XYLT1: variants seen among roughly 807,000 people sequenced by gnomAD.
XYLT1 encodes beta-D-xylosyltransferase 1.
XYLT1 carries 36 observed loss-of-function variants against 91.3 expected under a neutral mutation model. The observed-to-expected ratio is 0.39, with a 90% CI of 0.30 to 0.52. The LOEUF (loss-of-function observed/expected upper bound fraction) is 0.52. XYLT1 is among the 20% of genes least tolerant of loss of function. The pLI is 0.68. For missense variants in XYLT1, 1,242 were observed against 1,284.5 expected, an observed-to-expected ratio of 0.97 and a Z score of 0.51; for synonymous variants, 588 against 532.0, an observed-to-expected ratio of 1.11 and a Z score of -1.45.
At chr16:17,355,873 C>T (rs973437859) in intron 2 of XYLT1, among the ~76,000 whole-genome samples, 1 of 152,022 alleles carries the variant, frequency 6.6e-6, no homozygotes, top group African/African-American at 2.4e-5. Context: ...CCATGCCTGG[C>T]TATGTTTTGT....
chr16:17,134,386 TAAAGAGGAAGA>T, intron 9 of XYLT1, 76 bp downstream of exon 9: 1 of 1,537,794 alleles, frequency 6.5e-7, no homozygotes, highest in Admixed American at 1.8e-5. Flanking sequence ...TGCAGATCCC[TAAAGAGGAAGA>T]AGGACCCCCA....
At chr16:17,165,252 A>G (rs1443389750) in intron 5 of XYLT1, among the ~76,000 whole-genome samples, 1 of 152,216 alleles carries the variant, frequency 6.6e-6, no homozygotes, top group Non-Finnish European at 1.5e-5. Flanking sequence ...AGATGCTATT[A>G]TATTTATATC....
At chr16:17,387,942 C>T (rs749976160) in intron 1 of XYLT1, among the ~76,000 whole-genome samples, 13 of 152,152 alleles carry the variant, frequency 8.5e-5, no homozygotes, top group African/African-American at 2.4e-4. Context: ...AACAAAGATG[C>T]TACACAAACC....
intron 10 of XYLT1, among the ~76,000 whole-genome samples, chr16:17,120,355 C>T (rs75949394): frequency 0.017 from 2,626 of 152,148 alleles, 72 homozygotes; most frequent in African/African-American, 0.059. Context: ...TCTGGTCTGG[C>T]TCCGGCTTCA....
chr16:17,437,785 T>C (rs2036480195), intron 1 of XYLT1, among the ~76,000 whole-genome samples: 1 of 152,056 alleles, frequency 6.6e-6, no homozygotes. Flanking sequence ...ATCTGGCAAG[T>C]TTAAAAAATA....
At chr16:17,186,126 G>A (rs1234284006) in intron 5 of XYLT1, among the ~76,000 whole-genome samples, 1 of 151,932 alleles carries the variant, frequency 6.6e-6, no homozygotes, top group Non-Finnish European at 1.5e-5. Flanking sequence ...TTTTTAAGAC[G>A]GAATTTCACT....
chr16:17,222,789 C>CAAAAA (rs11358476), intron 3 of XYLT1, among the ~76,000 whole-genome samples: 3 of 71,194 alleles, frequency 4.2e-5, no homozygotes, highest in African/African-American at 6.0e-5. Flanking sequence ...AACTCTGTCT[C>CAAAAA]AAAAAAAAAA....
chr16:17,333,883 G>C (rs943740142), intron 2 of XYLT1, among the ~76,000 whole-genome samples: 3 of 152,054 alleles, frequency 2.0e-5, no homozygotes, highest in Admixed American at 2.0e-4. Flanking sequence ...CCACACGCCC[G>C]GCCTCATGTT....
chr16:17,125,620 A>G (rs567104081), intron 10 of XYLT1, among the ~76,000 whole-genome samples: 6 of 152,210 alleles, frequency 3.9e-5, no homozygotes, highest in South Asian at 4.2e-4. Context: ...TGATCTCCTT[A>G]GAAAAGCCTT....
intron 1 of XYLT1, among the ~76,000 whole-genome samples, chr16:17,450,288 A>G (rs1475448456): frequency 3.4e-4 from 51 of 152,084 alleles, no homozygotes; most frequent in Admixed American, 3.3e-3. Flanking sequence ...CAGTGAGCTG[A>G]GATTGCGCCA....
rs143277121 is a variant in XYLT1, at chr16:17,292,844, T to C, written c.403-33346A>G. Among the ~76,000 whole-genome samples the C allele has an allele frequency of 1.4e-3, 212 of 152,304 alleles. 1 individual carries two copies. Among genetic ancestry groups the C allele is most frequent in the African/African-American group, 4.7e-3 (196 of 41,576 alleles). ...CCACTTCCTCACATCTCTCCACACTTTGCCCAGTCCCACGGTCAGGGATGA... is the reference window on the plus strand; with the variant it reads ...CCACTTCCTCACATCTCTCCACACTCTGCCCAGTCCCACGGTCAGGGATGA... On this transcript the variant is annotated intron_variant, in intron 2 of 11. Coordinates refer to ENST00000261381, the MANE Select transcript of XYLT1 (RefSeq NM_022166.4).
chr16:17,239,592 C>T (rs936618382), intron 3 of XYLT1, among the ~76,000 whole-genome samples: 2 of 150,028 alleles, frequency 1.3e-5, no homozygotes, highest in African/African-American at 4.9e-5. Context: ...TCACCTAGTC[C>T]GTCCATCCAT....
At chr16:17,452,915 T>C (rs1052013188) in intron 1 of XYLT1, among the ~76,000 whole-genome samples, 1 of 152,170 alleles carries the variant, frequency 6.6e-6, no homozygotes, top group Admixed American at 6.5e-5. Flanking sequence ...AATGAATACT[T>C]ACAATTCTAG....
intron 1 of XYLT1, among the ~76,000 whole-genome samples, chr16:17,414,737 G>C (rs116316284): frequency 0.022 from 3,327 of 152,244 alleles, 112 homozygotes; most frequent in African/African-American, 0.075. Flanking sequence ...GCCTGGGTTT[G>C]CTTGAAGGTC....
chr16:17,254,207 C>T (rs906014134), intron 3 of XYLT1, among the ~76,000 whole-genome samples: 2 of 152,174 alleles, frequency 1.3e-5, no homozygotes, highest in Non-Finnish European at 2.9e-5. Flanking sequence ...TTTCTTCCCT[C>T]CTGCCATCCC....
chr16:17,442,760 T>C (rs961309395), intron 1 of XYLT1, among the ~76,000 whole-genome samples: 2 of 152,222 alleles, frequency 1.3e-5, no homozygotes, highest in African/African-American at 4.8e-5. Flanking sequence ...TGAGCCCAGC[T>C]TTCTGCATCC....
intron 2 of XYLT1, chr16:17,338,310 C>A: frequency 2.2e-6 from 1 of 456,504 alleles, no homozygotes; most frequent in Non-Finnish European, 4.4e-6. Context: ...ATTACCTACA[C>A]GATACATCTG....
At chr16:17,354,022 A>C (rs908798057) in intron 2 of XYLT1, among the ~76,000 whole-genome samples, 1 of 152,240 alleles carries the variant, frequency 6.6e-6, no homozygotes, top group African/African-American at 2.4e-5. Flanking sequence ...AAATGAGAGA[A>C]GTCAGTTCTT....
intron 3 of XYLT1, among the ~76,000 whole-genome samples, chr16:17,216,627 C>T (rs1245008575): frequency 2.6e-5 from 4 of 152,148 alleles, no homozygotes; most frequent in African/African-American, 4.8e-5. Flanking sequence ...GCTGGTCACT[C>T]GGCCAAGCCC....
Sources: gnomAD v4.1 joint callset for allele counts (sites outside exome capture counted in the v4.1 genomes callset) on GRCh38, gnomAD v4.1.1 for gene constraint, MANE v1.5 for transcripts, NCBI Gene and HGNC (gene_info 2026-07-23, HGNC 2026-07-21) for gene names.